The following FBN2 variants were observed in gnomAD, a reference collection of about 807,000 sequenced individuals.
The protein encoded by FBN2 is fibrillin 2.
In FBN2, 105 loss-of-function variants were observed where a neutral mutation model predicts 355.6. The ratio of observed to expected loss-of-function variants is 0.30; its 90% confidence interval spans 0.25 to 0.35. FBN2 has a LOEUF of 0.35. Among genes scored for constraint, FBN2 ranks in the 10% least tolerant of loss-of-function variants. The pLI is 1.00. For missense variants in FBN2, 3,280 were observed against 3,758.7 expected (o/e 0.87, Z 3.33); for synonymous variants, 1,350 against 1,301.2 (o/e 1.04, Z -0.81).
At chr5:128,345,147 A>T (rs1384332332) in intron 24 of FBN2, among the ~76,000 whole-genome samples, 5 of 152,254 alleles carry the variant, frequency 3.3e-5, no homozygotes, top group Admixed American at 2.0e-4. Flanking sequence ...AGAGTAGAAG[A>T]GAAAGATAAG....
At chr5:128,527,771 T>C (rs1756599870) in intron 4 of FBN2, 101 bp downstream of exon 4, 9 of 813,758 alleles carry the variant, frequency 1.1e-5, no homozygotes, top group Non-Finnish European at 1.9e-5. Context: ...TACATAAAAT[T>C]GTTTTTTCAA....
intron 2 of FBN2, among the ~76,000 whole-genome samples, chr5:128,531,991 A>G (rs1756722619): frequency 1.3e-5 from 2 of 152,098 alleles, no homozygotes; most frequent in African/African-American, 4.8e-5. Context: ...CCTTGATTCT[A>G]AGTAGTTGGG....
intron 27 of FBN2, 87 bp downstream of exon 27, chr5:128,337,910 C>T: frequency 4.9e-6 from 7 of 1,415,698 alleles, no homozygotes; most frequent in Non-Finnish European, 7.0e-6. Flanking sequence ...ATTTCATGTG[C>T]TCCTCAAACA....
chr5:128,330,638 T>A lies in FBN2; in HGVS notation c.4280A>T (p.Asn1427Ile). 6.2e-7 allele frequency: 1 copy of A among 1,613,974 alleles called. No individual in the cohort carries two copies. The change falls in exon 33 of 65, where the codon AAT becomes ATT. Residue 1427 changes from asparagine (N) to isoleucine (I), a missense_variant. By Grantham distance (149) the Asn-to-Ile change is moderately radical. Coordinates refer to ENST00000262464, the MANE Select transcript of FBN2 (RefSeq NM_001999.4). ...HQCSINAQCV[N>I]TPGSYRCACS... ...GGCACAGCGGTATGAGCCCGGGGTA[T>A]TTACACACTGAGCATTGATGCTACA...
chr5:128,504,199 G>A (rs968984929), intron 5 of FBN2, among the ~76,000 whole-genome samples: 1 of 152,194 alleles, frequency 6.6e-6, no homozygotes, highest in Non-Finnish European at 1.5e-5. Context: ...AGGCAGAGGT[G>A]TGCTGCACGG....
chr5:128,293,565 G>A (rs534927907), intron 48 of FBN2, among the ~76,000 whole-genome samples: 4 of 151,910 alleles, frequency 2.6e-5, no homozygotes, highest in African/African-American at 9.6e-5. Context: ...GATAGATGAA[G>A]GAAAACGAAA....
Position 128,425,055 on chromosome 5 carries a change from G to A in FBN2, c.953-16256C>T, listed in dbSNP as rs116017956. ...CTCTCTCTGTCCCTCTGTCTTTTTC[G>A]GGGGGAGGTAATTTACTCAAGTGGA... On this transcript the variant is annotated intron_variant, in intron 7 of 64. Transcript: ENST00000262464. Among the ~76,000 whole-genome samples the A allele has an allele frequency of 6.3e-3, 945 of 149,464 alleles. 10 individuals are homozygous for A. Among genetic ancestry groups the A allele is most frequent in the African/African-American group, 0.022 (882 of 40,562 alleles).
At chr5:128,412,481 C>A (rs1329837260) in intron 7 of FBN2, among the ~76,000 whole-genome samples, 1 of 152,214 alleles carries the variant, frequency 6.6e-6, no homozygotes, top group Non-Finnish European at 1.5e-5. Flanking sequence ...TGAATGATGC[C>A]TCTGGCCAGG....
In FBN2 at chr5:128,464,795, T is replaced by C. The variant is rs1399121866; in HGVS notation, c.755A>G (p.Glu252Gly). 1.9e-6 allele frequency: 3 copies of C among 1,614,184 alleles called. No homozygotes were observed. The highest frequency in any genetic ancestry group is 2.5e-6 in the Non-Finnish European group (3 of 1,180,032). Residue 252 changes from glutamate (E) to glycine (G), a missense_variant, in exon 6 of 65, where the codon GAG (glutamate) becomes GGG (glycine). Glu to Gly is a moderately conservative substitution (Grantham distance 98, BLOSUM62 -2). This residue lies in a region of FBN2 where 343 missense variants were observed against 331.0 expected (regional missense o/e 1.04). Transcript: ENST00000262464. The stretch of plus-strand genomic sequence containing the variant: ...GGGCTGAGGCTGGGCTGGACACATC[T>C]CACAGGGATGGCCCCACGCCCGTCC... ...TIGRAWGHPC[E>G]MCPAQPQPCR...
At chr5:128,518,794 G>C (rs924347282) in intron 5 of FBN2, among the ~76,000 whole-genome samples, 1 of 152,266 alleles carries the variant, frequency 6.6e-6, no homozygotes, top group East Asian at 1.9e-4. Flanking sequence ...GAGAAACAGA[G>C]TAACAGGGTA....
chr5:128,339,915 G>A (rs938871833), intron 25 of FBN2, among the ~76,000 whole-genome samples: 3 of 152,210 alleles, frequency 2.0e-5, no homozygotes, highest in African/African-American at 7.2e-5. Flanking sequence ...GTCATATTCA[G>A]ATGTAAAGAG....
chr5:128,379,201 G>A (rs978575705), intron 11 of FBN2, among the ~76,000 whole-genome samples: 5 of 152,178 alleles, frequency 3.3e-5, no homozygotes, highest in East Asian at 1.9e-4. Context: ...AGGCTATAAT[G>A]CTTATTGCTT....
chr5:128,280,189 T>C lies in FBN2; in HGVS notation c.7138+3A>G. 6.2e-7 allele frequency: 1 copy of C among 1,611,490 alleles called. No individual in the cohort carries two copies. Among genetic ancestry groups the C allele is most frequent in the Non-Finnish European group, 8.5e-7 (1 of 1,178,112 alleles). On this transcript the variant is annotated splice_donor_region_variant and intron_variant, in intron 56 of 64. Transcript: ENST00000262464. ...AGTATAATATATTTGGATGTCAACT[T>C]ACCAAGGCATTCAGTGCCTGAAGAA...
intron 7 of FBN2, among the ~76,000 whole-genome samples, chr5:128,422,116 C>T (rs1329812019): frequency 1.3e-5 from 2 of 152,146 alleles, no homozygotes; most frequent in African/African-American, 4.8e-5. Flanking sequence ...CTAGACACTT[C>T]AAAAGGAATG....
intron 63 of FBN2, among the ~76,000 whole-genome samples, chr5:128,262,948 C>A (rs547974959): frequency 6.6e-6 from 1 of 152,266 alleles, no homozygotes; most frequent in South Asian, 2.1e-4. Flanking sequence ...CAACTAGGCA[C>A]CATCCTCTCT....
chr5:128,324,166 A>G (rs1178746140), intron 34 of FBN2, among the ~76,000 whole-genome samples: 1 of 151,848 alleles, frequency 6.6e-6, no homozygotes, highest in African/African-American at 2.4e-5. Context: ...TATTGTGTCT[A>G]TTTGATTCTT....
At chr5:128,290,430 A>G (rs1256378311) in intron 50 of FBN2, among the ~76,000 whole-genome samples, 1 of 152,168 alleles carries the variant, frequency 6.6e-6, no homozygotes, top group Non-Finnish European at 1.5e-5. Context: ...CCTGGAATAT[A>G]ATTTCCATTC....
intron 55 of FBN2, 128 bp from the exon 56 acceptor site, chr5:128,280,445 G>T (rs1398863137): frequency 7.1e-6 from 5 of 700,694 alleles, no homozygotes; most frequent in Non-Finnish European, 2.5e-6. Context: ...GATTAAAAAT[G>T]GTCATGTGTG....
Position 128,261,771 on chromosome 5 carries a change from G to T in FBN2, c.8329C>A (p.Gln2777Lys), listed in dbSNP as rs1764980388. The T allele has an allele frequency of 6.2e-7, 1 of 1,614,062 alleles. No individual in the cohort carries two copies. Among genetic ancestry groups the T allele is most frequent in the Non-Finnish European group, 8.5e-7 (1 of 1,180,020 alleles). The change falls in exon 64 of 65, where the codon CAG becomes AAG. Residue 2777 changes from glutamine to lysine, a missense_variant. By Grantham distance (53) the Gln-to-Lys change is moderately conservative. Transcript: ENST00000262464. ...TCAGGTTCATGAATACTTCTCTTCTGCCTGCTGTCTTTCTTAGAATAGCCG... is the reference window on the plus strand; with the variant it reads ...TCAGGTTCATGAATACTTCTCTTCTTCCTGCTGTCTTTCTTAGAATAGCCG... ...INGYSKKDSR[Q>K]KRSIHEPDPT...
Sources: allele counts gnomAD v4.1 joint callset (sites outside exome capture counted in the v4.1 genomes callset), GRCh38; gene constraint gnomAD v4.1.1; regional missense constraint gnomAD v4.1.1; transcripts MANE v1.5; gene names NCBI Gene and HGNC (gene_info 2026-07-23, HGNC 2026-07-21).